AKT3: variants seen among roughly 807,000 people sequenced by gnomAD.
AKT3 encodes the protein RAC-gamma serine/threonine-protein kinase.
A neutral mutation model predicts 65.3 loss-of-function variants in AKT3; 15 were observed. The observed-to-expected ratio is 0.23, with a 90% CI of 0.15 to 0.35. The LOEUF (loss-of-function observed/expected upper bound fraction) is 0.35. Ranked by LOEUF, AKT3 falls within the 10% of genes least tolerant of loss-of-function variation. AKT3 has a pLI of 1.00. For missense variants in AKT3, 243 were observed against 576.5 expected, an observed-to-expected ratio of 0.42 and a Z score of 5.92; for synonymous variants, 206 against 183.8, an observed-to-expected ratio of 1.12 and a Z score of -0.98.
In AKT3 at chr1:243,693,931, T is replaced by C. The variant is rs1038480963; in HGVS notation, c.172+1660A>G. The stretch of plus-strand genomic sequence containing the variant: ...ATTATACAAGATTACAGATGTCAGA[T>C]AGTATTTATTTCATGGATAAATAAG... On this transcript the variant is annotated intron_variant, in intron 3 of 13. Transcript: ENST00000673466. 7.9e-5 allele frequency among the ~76,000 whole-genome samples: 12 copies of C among 152,306 alleles called. No homozygotes were observed. The East Asian group carries it at 2.3e-3, about 29-fold the overall frequency.
chr1:243,804,594 C>T (rs1264151692), intron 2 of AKT3, among the ~76,000 whole-genome samples: 1 of 152,092 alleles, frequency 6.6e-6, no homozygotes, highest in African/African-American at 2.4e-5. Context: ...CGCCTGTAAT[C>T]CCAGCACTTT....
At chr1:243,701,158 C>T (rs577091434) in intron 2 of AKT3, among the ~76,000 whole-genome samples, 1 of 152,178 alleles carries the variant, frequency 6.6e-6, no homozygotes, top group Non-Finnish European at 1.5e-5. Context: ...TAGAAGTGTA[C>T]ATCTCTGGAC....
intron 8 of AKT3, among the ~76,000 whole-genome samples, chr1:243,588,297 A>T (rs991204478): frequency 6.6e-6 from 1 of 152,194 alleles, no homozygotes; most frequent in Non-Finnish European, 1.5e-5. Flanking sequence ...GTAAATATGT[A>T]GTAGCTCTTA....
intron 6 of AKT3, among the ~76,000 whole-genome samples, chr1:243,631,571 G>T (rs191795646): frequency 6.6e-6 from 1 of 152,172 alleles, no homozygotes; most frequent in Non-Finnish European, 1.5e-5. Flanking sequence ...TTACAGACAT[G>T]AGCCACCATG....
chr1:243,488,765 T>A (rs1465308089), intron 13 of AKT3, among the ~76,000 whole-genome samples: 1 of 152,142 alleles, frequency 6.6e-6, no homozygotes, highest in Non-Finnish European at 1.5e-5. Context: ...TTACCCCACT[T>A]ATCTGCGTGT....
intron 5 of AKT3, among the ~76,000 whole-genome samples, chr1:243,638,092 T>C (rs1348092703): frequency 4.6e-5 from 7 of 152,136 alleles, no homozygotes; most frequent in Admixed American, 4.6e-4. Context: ...GAAAATGTGA[T>C]AATCAAAAAT....
At chr1:243,833,844 G>C (rs12082361) in intron 2 of AKT3, among the ~76,000 whole-genome samples, 3,427 of 151,932 alleles carry the variant, frequency 0.023, 124 homozygotes, top group African/African-American at 0.078. Flanking sequence ...AGGATCGCTT[G>C]AGGCCAGGAG....
intron 6 of AKT3, among the ~76,000 whole-genome samples, chr1:243,622,209 T>C (rs1321313707): frequency 6.6e-6 from 1 of 152,214 alleles, no homozygotes; most frequent in African/African-American, 2.4e-5. Context: ...GCCTTCTCAA[T>C]TGCTATTTCC....
chr1:243,628,259 C>T (rs1679333335), intron 6 of AKT3, among the ~76,000 whole-genome samples: 2 of 152,116 alleles, frequency 1.3e-5, no homozygotes, highest in Non-Finnish European at 2.9e-5. Flanking sequence ...CGGGAATGTG[C>T]TGAGGAATGC....
downstream of AKT3, among the ~76,000 whole-genome samples, chr1:243,495,197 G>GCC (rs1667488052): frequency 6.6e-6 from 1 of 152,208 alleles, no homozygotes; most frequent in Non-Finnish European, 1.5e-5. Flanking sequence ...CAGAGCCAGG[G>GCC]CCTCCACCCC....
chr1:243,779,653 A>G lies in AKT3; in HGVS notation c.46+63472T>C, dbSNP rs766108621. Among the ~76,000 whole-genome samples the G allele has an allele frequency of 4.4e-4, 67 of 152,252 alleles. No homozygotes were observed. The Middle Eastern group carries it at 0.01, about 23-fold the overall frequency. ...GAATGGATCAGGACAGGATAAGGAAAAGAAAAATACTGCATGAAGAACAAA... is the reference window on the plus strand; with the variant it reads ...GAATGGATCAGGACAGGATAAGGAAGAGAAAAATACTGCATGAAGAACAAA... On this transcript the variant is annotated intron_variant, in intron 2 of 13. Coordinates refer to ENST00000673466, the MANE Select transcript of AKT3 (RefSeq NM_005465.7).
chr1:243,660,218 T>C (rs982860072), intron 4 of AKT3, among the ~76,000 whole-genome samples: 1 of 152,032 alleles, frequency 6.6e-6, no homozygotes, highest in Non-Finnish European at 1.5e-5. Context: ...GGAGAGTGTA[T>C]GTGTCGAGGA....
intron 2 of AKT3, among the ~76,000 whole-genome samples, chr1:243,822,027 G>T (rs1693883297): frequency 6.6e-6 from 1 of 152,120 alleles, no homozygotes; most frequent in African/African-American, 2.4e-5. Context: ...TCACGTAATT[G>T]GAAGTAAAAC....
chr1:243,792,252 T>C (rs567984146), intron 2 of AKT3, among the ~76,000 whole-genome samples: 15 of 151,860 alleles, frequency 9.9e-5, no homozygotes, highest in Admixed American at 5.3e-4. Context: ...CATTTTGAGC[T>C]TTTACCATTA....
chr1:243,795,314 A>T (rs555636593), intron 2 of AKT3, among the ~76,000 whole-genome samples: 12 of 152,230 alleles, frequency 7.9e-5, no homozygotes, highest in African/African-American at 2.4e-4. Flanking sequence ...GCCTATCAGT[A>T]TCTGAAGATG....
chr1:243,637,579 A>T (rs764088083), intron 6 of AKT3, 32 bp downstream of exon 6: 1 of 1,561,996 alleles, frequency 6.4e-7, no homozygotes, highest in South Asian at 1.2e-5. Flanking sequence ...TGCAAACAAA[A>T]ATTTAGTAAT....
intron 2 of AKT3, among the ~76,000 whole-genome samples, chr1:243,743,131 T>C (rs1191885071): frequency 6.6e-6 from 1 of 152,152 alleles, no homozygotes; most frequent in Non-Finnish European, 1.5e-5. Flanking sequence ...CATAGAAAAG[T>C]TGGTCTCCAT....
At chr1:243,673,149 TAC>T (rs1431162538) in intron 3 of AKT3, among the ~76,000 whole-genome samples, 1 of 152,230 alleles carries the variant, frequency 6.6e-6, no homozygotes, top group Non-Finnish European at 1.5e-5. Context: ...ATTTTAAGTA[TAC>T]AGTTTGGTGA....
chr1:243,557,338 A>T (rs1056755394), intron 10 of AKT3, among the ~76,000 whole-genome samples: 1 of 152,140 alleles, frequency 6.6e-6, no homozygotes, highest in Non-Finnish European at 1.5e-5. Flanking sequence ...CTCATGGTAC[A>T]GAGAATTTAA....
Sources: gnomAD v4.1 joint callset for allele counts (sites outside exome capture counted in the v4.1 genomes callset) on GRCh38, gnomAD v4.1.1 for gene constraint, MANE v1.5 for transcripts, NCBI Gene and HGNC (gene_info 2026-07-23, HGNC 2026-07-21) for gene names.